The following SCN8A variants were observed in gnomAD, a reference collection of about 807,000 sequenced individuals.
SCN8A encodes sodium channel protein type 8 subunit alpha.
In SCN8A, 30 loss-of-function variants were observed where a neutral mutation model predicts 184.1. That is an observed-to-expected ratio of 0.16 (90% CI 0.12 to 0.22). SCN8A has a LOEUF of 0.22. SCN8A is among the 10% of genes least tolerant of loss of function. SCN8A has a pLI of 1.00. For missense variants in SCN8A, 1,057 were observed against 2,498.9 expected (o/e 0.42, Z 12.30); for synonymous variants, 852 against 907.0 (o/e 0.94, Z 1.09).
intron 1 of SCN8A, among the ~76,000 whole-genome samples, chr12:51,638,982 ATTT>A (rs1260503374): frequency 6.6e-6 from 1 of 151,584 alleles, no homozygotes; most frequent in African/African-American, 2.4e-5. Flanking sequence ...CAAAGAAAAA[ATTT>A]TTTTTTCTTT....
intron 12 of SCN8A, among the ~76,000 whole-genome samples, chr12:51,734,968 C>CT (rs930607625): frequency 6.6e-6 from 1 of 152,184 alleles, no homozygotes; most frequent in African/African-American, 2.4e-5. Flanking sequence ...GCCTGGGATG[C>CT]TTTAAATATT....
At chr12:51,648,474 T>A (rs1298879022) in intron 1 of SCN8A, among the ~76,000 whole-genome samples, 1 of 152,216 alleles carries the variant, frequency 6.6e-6, no homozygotes, top group East Asian at 1.9e-4. Context: ...TTTACACTGC[T>A]GATAAAGACA....
At chr12:51,800,297 G>A (rs983295908) in intron 26 of SCN8A, among the ~76,000 whole-genome samples, 1 of 152,186 alleles carries the variant, frequency 6.6e-6, no homozygotes, top group Admixed American at 6.5e-5. Flanking sequence ...AGCTGCAGTT[G>A]GAGTCGTCAC....
intron 14 of SCN8A, among the ~76,000 whole-genome samples, chr12:51,760,613 A>C (rs1008267859): frequency 1.3e-5 from 2 of 152,246 alleles, no homozygotes; most frequent in Admixed American, 1.3e-4. Context: ...TATGTGGAGA[A>C]ACCTCCGATG....
intron 1 of SCN8A, among the ~76,000 whole-genome samples, chr12:51,662,156 A>G (rs1940937551): frequency 6.6e-6 from 1 of 152,320 alleles, no homozygotes; most frequent in Non-Finnish European, 1.5e-5. Context: ...TGAAGAAGAT[A>G]CTTTTGGACT....
At chr12:51,760,698 A>T (rs988396491) in intron 14 of SCN8A, among the ~76,000 whole-genome samples, 1 of 152,216 alleles carries the variant, frequency 6.6e-6, no homozygotes, top group Non-Finnish European at 1.5e-5. Context: ...ACTCAGAGGG[A>T]TGTTCCATCT....
chr12:51,766,962 C>T (rs899332650), intron 16 of SCN8A, among the ~76,000 whole-genome samples: 1 of 152,212 alleles, frequency 6.6e-6, no homozygotes, highest in Admixed American at 6.5e-5. Context: ...TGTCCCTTAA[C>T]ATGCTCATCC....
chr12:51,762,360 A>C, intron 14 of SCN8A, 143 bp from the exon 15 acceptor site: 1 of 756,918 alleles, frequency 1.3e-6, no homozygotes, highest in Non-Finnish European at 2.1e-6. Flanking sequence ...CTCATGAGAC[A>C]TCCAGGTATT....
Position 51,706,918 on chromosome 12 carries a change from C to A in SCN8A, c.1635+203C>A, listed in dbSNP as rs935558598. Among the ~76,000 whole-genome samples the A allele has an allele frequency of 5.9e-5, 9 of 152,248 alleles. No individual in the cohort carries two copies. The South Asian group carries it at 6.2e-4, about 11-fold the overall frequency. Reference sequence around the variant, plus strand: ...TAACCACCAGTCTACTCTCTACCTTCAAGAGATCCACTTTTTTAGCTCCCA... The same window carrying A: ...TAACCACCAGTCTACTCTCTACCTTAAAGAGATCCACTTTTTTAGCTCCCA... On this transcript the variant is annotated intron_variant, in intron 11 of 26. Coordinates refer to ENST00000627620, the MANE Select transcript of SCN8A (RefSeq NM_001330260.2).
chr12:51,701,927 A>C (rs1941696653), intron 8 of SCN8A, among the ~76,000 whole-genome samples: 1 of 152,348 alleles, frequency 6.6e-6, no homozygotes, highest in Admixed American at 6.5e-5. Flanking sequence ...ATTGAAAGAA[A>C]TATGAGATGA....
At position 51,625,089 on chromosome 12, in the gene SCN8A, C is replaced by T. The variant is rs116886627; in HGVS notation, c.-55+33730C>T. On this transcript the variant is annotated intron_variant, in intron 1 of 26. Coordinates refer to ENST00000627620, the MANE Select transcript of SCN8A (RefSeq NM_001330260.2). Reference sequence around the variant, plus strand: ...TCACTCTTTGTAAGGTACAGTTCTACGGATTTTAACAAATGCATAGAGTAA... The same window carrying T: ...TCACTCTTTGTAAGGTACAGTTCTATGGATTTTAACAAATGCATAGAGTAA... Among the ~76,000 whole-genome samples the T allele has an allele frequency of 1.7e-3, 253 of 152,268 alleles. 2 individuals are homozygous for T. Among genetic ancestry groups the T allele is most frequent in the Admixed American group, 9.7e-3 (148 of 15,298 alleles).
Position 51,738,360 on chromosome 12 carries a change from T to C in SCN8A, c.1999-7543T>C, listed in dbSNP as rs182668437. On this transcript the variant is annotated intron_variant, in intron 12 of 26. Coordinates refer to ENST00000627620, the MANE Select transcript of SCN8A (RefSeq NM_001330260.2). ...CCTCACAATGCAAAATATAACTACT[T>C]TGATATACTTCAGTGGCTTTACCAA... is the stretch of plus-strand genomic sequence containing the variant. 4.2e-4 allele frequency among the ~76,000 whole-genome samples: 64 copies of C among 152,298 alleles called. 1 individual carries two copies. In the East Asian group the frequency reaches 0.012, roughly 28 times the overall value.
intron 1 of SCN8A, among the ~76,000 whole-genome samples, chr12:51,596,411 C>CT (rs1372247513): frequency 1.3e-5 from 2 of 152,176 alleles, no homozygotes; most frequent in Non-Finnish European, 2.9e-5. Context: ...AAGCTAAGGA[C>CT]TATCTAACTG....
At chr12:51,688,980 C>G (rs909483563) in intron 5 of SCN8A, 25 bp from the exon 6 acceptor site, 1 of 1,600,710 alleles carries the variant, frequency 6.2e-7, no homozygotes, top group East Asian at 2.2e-5. Flanking sequence ...TCACTTGTGT[C>G]TGTGTGTGAC....
chr12:51,643,175 C>G (rs1422243516), intron 1 of SCN8A, among the ~76,000 whole-genome samples: 1 of 152,148 alleles, frequency 6.6e-6, no homozygotes, highest in Non-Finnish European at 1.5e-5. Flanking sequence ...ATCTTGTTTT[C>G]AGAGCTTCTT....
intron 26 of SCN8A, among the ~76,000 whole-genome samples, chr12:51,796,829 C>T (rs952376479): frequency 3.3e-5 from 5 of 152,148 alleles, no homozygotes; most frequent in Non-Finnish European, 5.9e-5. Flanking sequence ...GTCTTATGTT[C>T]GAGGGCAGGA....
intron 20 of SCN8A, among the ~76,000 whole-genome samples, 185 bp downstream of exon 20, chr12:51,774,547 C>T (rs1046555550): frequency 3.9e-5 from 6 of 152,170 alleles, no homozygotes; most frequent in Non-Finnish European, 7.4e-5. Context: ...TCTGAAGTCC[C>T]TGCATTTGCT....
chr12:51,603,327 A>C (rs186429129), intron 1 of SCN8A, among the ~76,000 whole-genome samples: 1 of 152,312 alleles, frequency 6.6e-6, no homozygotes, highest in Non-Finnish European at 1.5e-5. Context: ...TGGAGATTTA[A>C]CCATGTTGTT....
chr12:51,704,842 G>C (rs1027139497), intron 9 of SCN8A, among the ~76,000 whole-genome samples: 2 of 149,970 alleles, frequency 1.3e-5, no homozygotes, highest in African/African-American at 4.9e-5. Flanking sequence ...GGGCATGGTG[G>C]TGGGCACCTG....
Sources: allele counts gnomAD v4.1 joint callset (sites outside exome capture counted in the v4.1 genomes callset), GRCh38; gene constraint gnomAD v4.1.1; transcripts MANE v1.5; gene names NCBI Gene and HGNC (gene_info 2026-07-23, HGNC 2026-07-21).